FSTL5: variants seen among roughly 807,000 people sequenced by gnomAD.
The protein encoded by FSTL5 is follistatin-related protein 5.
FSTL5 carries 62 observed loss-of-function variants against 89.1 expected under a neutral mutation model. The ratio of observed to expected loss-of-function variants is 0.70; its 90% CI spans 0.57 to 0.86. FSTL5 has a LOEUF of 0.86. Among genes scored for constraint, FSTL5 ranks in the 40% least tolerant of loss-of-function variants. FSTL5 has a pLI of 0.00. For missense variants in FSTL5, 1,057 were observed against 1,001.6 expected, an observed-to-expected ratio of 1.06 and a Z score of -0.75; for synonymous variants, 383 against 346.2, an observed-to-expected ratio of 1.11 and a Z score of -1.18.
At position 161,452,149 on chromosome 4, in the gene FSTL5, A is replaced by C. The variant is rs189048478; in HGVS notation, c.1841+2855T>G. ...TTCATAACGATTCAATCTCAGCAGC[A>C]CATATTTAACTACATGCTGAATTTG... On this transcript the variant is annotated intron_variant, in intron 15 of 15. Transcript: ENST00000306100. Among the ~76,000 whole-genome samples the C allele has an allele frequency of 4.6e-5, 7 of 152,306 alleles. No homozygotes were observed. In the East Asian group the frequency reaches 1.4e-3, roughly 29 times the overall value.
chr4:161,588,831 AAGGGAAAGAGC>A (rs1277319128), intron 7 of FSTL5, among the ~76,000 whole-genome samples: 14 of 152,222 alleles, frequency 9.2e-5, no homozygotes, highest in African/African-American at 3.4e-4. Flanking sequence ...AAGACACTGG[AAGGGAAAGAGC>A]AGGTCTGAAG....
intron 2 of FSTL5, among the ~76,000 whole-genome samples, chr4:162,095,760 A>G (rs1177175856): frequency 1.3e-5 from 2 of 152,026 alleles, no homozygotes; most frequent in Non-Finnish European, 2.9e-5. Flanking sequence ...TACTTAGAAC[A>G]TCAAGTTTTG....
intron 8 of FSTL5, among the ~76,000 whole-genome samples, chr4:161,576,449 A>G (rs1560961694): frequency 6.6e-6 from 1 of 152,238 alleles, no homozygotes; most frequent in African/African-American, 2.4e-5. Context: ...CCAAAACAGC[A>G]TGGTGCTGGT....
intron 3 of FSTL5, among the ~76,000 whole-genome samples, chr4:161,948,487 T>TTC (rs1294070254): frequency 2.9e-4 from 41 of 141,162 alleles, no homozygotes; most frequent in Non-Finnish European, 4.6e-4. Context: ...TTTTCTTTCT[T>TTC]TTTTTTTTTT....
chr4:161,586,549 C>A (rs1020038155), intron 8 of FSTL5, among the ~76,000 whole-genome samples: 4 of 152,146 alleles, frequency 2.6e-5, no homozygotes, highest in Non-Finnish European at 5.9e-5. Flanking sequence ...ATAACTCCAC[C>A]ATTAAGACTA....
intron 4 of FSTL5, among the ~76,000 whole-genome samples, chr4:161,904,299 T>C (rs1405040110): frequency 1.3e-5 from 2 of 152,082 alleles, no homozygotes; most frequent in African/African-American, 2.4e-5. Context: ...TGATTTTATA[T>C]CTTGAAACAG....
chr4:161,684,433 C>G (rs1400988530), intron 6 of FSTL5, among the ~76,000 whole-genome samples: 1 of 152,086 alleles, frequency 6.6e-6, no homozygotes, highest in Admixed American at 6.6e-5. Flanking sequence ...TTCACGCCAA[C>G]ATCTATTGTT....
chr4:161,385,961 T>C lies in FSTL5; in HGVS notation c.2330A>G (p.Lys777Arg). ...TGGTTCCTTGAGACTCTTTATCATCTTGACCTTCCCAGAAGAGAGCTCCAC... is the reference window on the plus strand; with the variant it reads ...TGGTTCCTTGAGACTCTTTATCATCCTGACCTTCCCAGAAGAGAGCTCCAC... ...LFVELSSGKV[K>R]MIKSLKEPLK... Residue 777 changes from lysine to arginine, a missense_variant, in exon 16 of 16, where the codon AAG becomes AGG. Lys to Arg is a conservative substitution (Grantham distance 26, BLOSUM62 2). This residue lies in a region of FSTL5 where 9 missense variants were observed against 25.0 expected (regional missense o/e 0.36). Transcript: ENST00000306100. 1.2e-6 allele frequency: 2 copies of C among 1,614,016 alleles called. No individual in the cohort carries two copies. The highest frequency in any genetic ancestry group is 1.1e-5 in the South Asian group (1 of 91,086).
intron 4 of FSTL5, among the ~76,000 whole-genome samples, chr4:161,826,972 T>A (rs1237362648): frequency 2.6e-5 from 4 of 152,200 alleles, no homozygotes; most frequent in Non-Finnish European, 5.9e-5. Flanking sequence ...GTGTTTTTGT[T>A]TTATGGGCCC....
intron 1 of FSTL5, among the ~76,000 whole-genome samples, chr4:162,163,141 C>T (rs1327128707): frequency 6.6e-6 from 1 of 152,086 alleles, no homozygotes; most frequent in African/African-American, 2.4e-5. Context: ...ACTTTGAAGT[C>T]TATGCTTTAG....
chr4:162,159,631 G>C (rs549907761), intron 1 of FSTL5, among the ~76,000 whole-genome samples: 1 of 151,908 alleles, frequency 6.6e-6, no homozygotes, highest in Non-Finnish European at 1.5e-5. Flanking sequence ...TATGTTATGC[G>C]CAGGGATATC....
chr4:161,502,881 C>A (rs898589210), intron 11 of FSTL5, among the ~76,000 whole-genome samples: 1 of 151,676 alleles, frequency 6.6e-6, no homozygotes, highest in Non-Finnish European at 1.5e-5. Context: ...AGACACAATG[C>A]ACATTTTCAT....
chr4:161,519,696 C>T (rs1000472066), intron 10 of FSTL5, among the ~76,000 whole-genome samples: 1 of 152,148 alleles, frequency 6.6e-6, no homozygotes, highest in Non-Finnish European at 1.5e-5. Flanking sequence ...ATTCTTCACA[C>T]AAATGAGTGT....
intron 15 of FSTL5, among the ~76,000 whole-genome samples, chr4:161,389,508 T>C (rs1279528520): frequency 1.3e-5 from 2 of 152,168 alleles, no homozygotes; most frequent in African/African-American, 4.8e-5. Flanking sequence ...AATTACTGCT[T>C]TTATGATTTA....
At chr4:161,891,432 T>C (rs752048692) in intron 4 of FSTL5, among the ~76,000 whole-genome samples, 2 of 152,156 alleles carry the variant, frequency 1.3e-5, no homozygotes, top group Non-Finnish European at 2.9e-5. Flanking sequence ...AAAAACATAG[T>C]CTGGTAGAAT....
chr4:161,474,284 CAA>C (rs1022241684), intron 13 of FSTL5, among the ~76,000 whole-genome samples: 1 of 151,544 alleles, frequency 6.6e-6, no homozygotes, highest in African/African-American at 2.4e-5. Flanking sequence ...CACCACGTGC[CAA>C]AAAAATAAAC....
At chr4:161,650,463 T>A (rs1157535395) in intron 7 of FSTL5, among the ~76,000 whole-genome samples, 3 of 151,972 alleles carry the variant, frequency 2.0e-5, no homozygotes, top group African/African-American at 7.3e-5. Context: ...TACCTGGGAG[T>A]TCTGTGTTTT....
chr4:161,763,454 T>A (rs528716183), intron 5 of FSTL5, among the ~76,000 whole-genome samples: 1 of 152,300 alleles, frequency 6.6e-6, no homozygotes, highest in East Asian at 1.9e-4. Flanking sequence ...AAGATTTTTA[T>A]GCTGACTTTC....
chr4:162,129,708 G>C (rs1732223162), intron 1 of FSTL5, among the ~76,000 whole-genome samples: 1 of 152,176 alleles, frequency 6.6e-6, no homozygotes, highest in Admixed American at 6.5e-5. Context: ...TCTCAAATTT[G>C]TCTTACACAA....
Sources: gnomAD v4.1 joint callset for allele counts (sites outside exome capture counted in the v4.1 genomes callset) on GRCh38, gnomAD v4.1.1 for gene constraint, gnomAD v4.1.1 regional missense constraint, MANE v1.5 for transcripts, NCBI Gene and HGNC (gene_info 2026-07-23, HGNC 2026-07-21) for gene names.